The following ZCWPW2 variants were observed in gnomAD, a reference collection of about 807,000 sequenced individuals.
ZCWPW2 encodes zinc finger CW-type PWWP domain protein 2.
ZCWPW2 carries 45 observed loss-of-function variants against 46.6 expected under a neutral mutation model. The observed-to-expected ratio is 0.96, with a 90% CI of 0.76 to 1.24. The LOEUF (loss-of-function observed/expected upper bound fraction) is 1.24, where lower values mean the gene tolerates loss of function less well. ZCWPW2 is among the 50% of genes most tolerant of loss of function. The pLI is 0.00. For synonymous variants in ZCWPW2, 152 were observed against 137.1 expected (o/e 1.11, Z -0.76); for missense variants, 429 against 403.9 (o/e 1.06, Z -0.53).
At chr3:28,511,594 T>C (rs753271315) in intron 6 of ZCWPW2, among the ~76,000 whole-genome samples, 12 of 152,126 alleles carry the variant, frequency 7.9e-5, no homozygotes, top group Admixed American at 5.2e-4. Context: ...GCTTAATGGG[T>C]TTAACAATGT....
At chr3:28,501,543 AT>A (rs1038209536) in intron 6 of ZCWPW2, among the ~76,000 whole-genome samples, 1 of 152,092 alleles carries the variant, frequency 6.6e-6, no homozygotes, top group Non-Finnish European at 1.5e-5. Context: ...TTCATAATTT[AT>A]TTTTTTATTG....
chr3:28,404,873 TAGG>T (rs1696097146), intron 2 of ZCWPW2, among the ~76,000 whole-genome samples: 2 of 152,006 alleles, frequency 1.3e-5, no homozygotes, highest in South Asian at 2.1e-4. Context: ...TTTGGGGACT[TAGG>T]AGGAAATAAT....
chr3:28,409,215 G>A (rs1696299496), intron 2 of ZCWPW2, among the ~76,000 whole-genome samples: 1 of 144,182 alleles, frequency 6.9e-6, no homozygotes, highest in African/African-American at 2.6e-5. Flanking sequence ...TGCCTCTCTG[G>A]TTCAAGCGAT....
At chr3:28,447,705 G>A (rs542683795) in intron 4 of ZCWPW2, 51 of 493,946 alleles carry the variant, frequency 1.0e-4, no homozygotes, top group African/African-American at 6.2e-4. Flanking sequence ...TTCCACGAAC[G>A]TTGTCTAGAG....
At chr3:28,518,135 C>CAAAAA (rs35463839) in intron 8 of ZCWPW2, among the ~76,000 whole-genome samples, 1 of 75,996 alleles carries the variant, frequency 1.3e-5, no homozygotes, top group African/African-American at 5.3e-5. Context: ...GACTCCGTCT[C>CAAAAA]AAAAAAAAAA....
At chr3:28,363,069 T>A (rs1340365854) in intron 1 of ZCWPW2, among the ~76,000 whole-genome samples, 10 of 30,502 alleles carry the variant, frequency 3.3e-4, no homozygotes, top group South Asian at 1.3e-3. Context: ...GTGGGGAGGG[T>A]GGGAGGGAGA....
intron 5 of ZCWPW2, 57 bp downstream of exon 5, chr3:28,478,988 T>G: frequency 8.8e-7 from 1 of 1,142,754 alleles, no homozygotes; most frequent in Non-Finnish European, 1.3e-6. Context: ...AAATGCATGT[T>G]TTCCAAAATA....
At chr3:28,432,565 G>T (rs974579116) in intron 3 of ZCWPW2, among the ~76,000 whole-genome samples, 1 of 152,084 alleles carries the variant, frequency 6.6e-6, no homozygotes, top group African/African-American at 2.4e-5. Context: ...CTGAACAGTA[G>T]GTCAGAGTGT....
intron 9 of ZCWPW2, 34 bp from the exon 10 acceptor site, chr3:28,524,493 C>A (rs1459642833): frequency 6.3e-7 from 1 of 1,587,484 alleles, no homozygotes; most frequent in African/African-American, 1.4e-5. Flanking sequence ...GTAAATTTGA[C>A]ATAGTTCCGA....
At chr3:28,411,108 T>G (rs1159055837) in intron 2 of ZCWPW2, among the ~76,000 whole-genome samples, 1 of 151,896 alleles carries the variant, frequency 6.6e-6, no homozygotes, top group Non-Finnish European at 1.5e-5. Flanking sequence ...ATCTTATTTA[T>G]ACACACATGT....
intron 4 of ZCWPW2, among the ~76,000 whole-genome samples, chr3:28,459,286 C>T (rs1220977584): frequency 6.6e-6 from 1 of 151,892 alleles, no homozygotes; most frequent in African/African-American, 2.4e-5. Context: ...AGGAAAATGG[C>T]GTGAACCCGG....
intron 4 of ZCWPW2, among the ~76,000 whole-genome samples, chr3:28,445,395 C>T (rs570441997): frequency 5.3e-5 from 8 of 151,988 alleles, no homozygotes; most frequent in African/African-American, 9.6e-5. Flanking sequence ...GATGAAATTT[C>T]GTGACAACAA....
rs184867098 is a variant in ZCWPW2, at chr3:28,469,973, G to T, written c.493-8841G>T. ...ACATTTCATCCTATGGCTGCAGAAT[G>T]CACATTCTTTTCCTCAGCACATGGA... On this transcript the variant is annotated intron_variant, in intron 4 of 9. Coordinates refer to ENST00000383768, the MANE Select transcript of ZCWPW2 (RefSeq NM_001040432.4). Among the ~76,000 whole-genome samples, 393 of 152,206 alleles carry T rather than the reference G, an allele frequency of 2.6e-3. 2 individuals carry two copies. The highest frequency in any genetic ancestry group is 8.9e-3 in the African/African-American group (371 of 41,550).
chr3:28,371,027 C>T (rs953275402), intron 1 of ZCWPW2, among the ~76,000 whole-genome samples: 2 of 151,412 alleles, frequency 1.3e-5, no homozygotes, highest in Admixed American at 6.8e-5. Context: ...CCACCATGCC[C>T]AATAAATTTT....
chr3:28,388,404 G>A (rs545462046), intron 1 of ZCWPW2, among the ~76,000 whole-genome samples: 4 of 152,066 alleles, frequency 2.6e-5, no homozygotes, highest in Non-Finnish European at 4.4e-5. Context: ...TAACAAGATC[G>A]TACTTTTGCC....
At chr3:28,426,246 T>G (rs1168139425) in intron 3 of ZCWPW2, among the ~76,000 whole-genome samples, 3 of 151,962 alleles carry the variant, frequency 2.0e-5, no homozygotes, top group Non-Finnish European at 2.9e-5. Context: ...GCAGTCTTGT[T>G]TTTTTAAAAA....
chr3:28,430,791 C>T (rs576445169), intron 3 of ZCWPW2, among the ~76,000 whole-genome samples: 48 of 152,178 alleles, frequency 3.2e-4, no homozygotes, highest in African/African-American at 9.9e-4. Context: ...AGCTTTCCCC[C>T]CTTCACTCAG....
chr3:28,349,512 T>A (rs1230324228), intron 1 of ZCWPW2, among the ~76,000 whole-genome samples: 3 of 152,186 alleles, frequency 2.0e-5, no homozygotes, highest in Non-Finnish European at 4.4e-5. Flanking sequence ...CACCACGACT[T>A]CTAGCACACT....
intron 1 of ZCWPW2, among the ~76,000 whole-genome samples, chr3:28,363,375 G>T (rs1705010911): frequency 6.6e-6 from 1 of 152,058 alleles, no homozygotes. Flanking sequence ...AAAAGAAAAA[G>T]TACTCAGTTT....
Sources: gnomAD v4.1 joint callset for allele counts (sites outside exome capture counted in the v4.1 genomes callset) on GRCh38, gnomAD v4.1.1 for gene constraint, MANE v1.5 for transcripts, NCBI Gene and HGNC (gene_info 2026-07-23, HGNC 2026-07-21) for gene names.